Variants in AK5 observed in about 807,000 individuals in gnomAD.
AK5 encodes adenylate kinase isoenzyme 5.
AK5 carries 27 observed loss-of-function variants against 69.5 expected under a neutral mutation model. That is an observed-to-expected ratio of 0.39 (90% CI 0.29 to 0.54). The LOEUF (loss-of-function observed/expected upper bound fraction) is 0.54. Among genes scored for constraint, AK5 ranks in the 20% least tolerant of loss-of-function variants. The pLI, the probability that AK5 is intolerant of heterozygous loss-of-function variation, is 0.71. For missense variants in AK5, 531 were observed against 700.4 expected, an observed-to-expected ratio of 0.76 and a Z score of 2.73; for synonymous variants, 260 against 244.4, an observed-to-expected ratio of 1.06 and a Z score of -0.60.
At chr1:77,361,940 ATATCACCC>A (rs1322743791) in intron 6 of AK5, among the ~76,000 whole-genome samples, 1 of 152,186 alleles carries the variant, frequency 6.6e-6, no homozygotes, top group Non-Finnish European at 1.5e-5. Flanking sequence ...CAGCCAAATC[ATATCACCC>A]TACTCTGCTG....
At chr1:77,516,284 T>C (rs767866232) in intron 10 of AK5, among the ~76,000 whole-genome samples, 5 of 152,096 alleles carry the variant, frequency 3.3e-5, no homozygotes, top group Non-Finnish European at 7.4e-5. Context: ...GGAAGCAGAT[T>C]GTAAGAATGG....
At chr1:77,405,025 A>T (rs1482247782) in intron 6 of AK5, among the ~76,000 whole-genome samples, 1 of 152,206 alleles carries the variant, frequency 6.6e-6, no homozygotes, top group East Asian at 1.9e-4. Flanking sequence ...CTCACTCTAC[A>T]TCCCCAAGTT....
At chr1:77,325,970 A>G (rs180969384) in intron 5 of AK5, among the ~76,000 whole-genome samples, 15 of 152,274 alleles carry the variant, frequency 9.9e-5, no homozygotes, top group Admixed American at 7.8e-4. Flanking sequence ...TATGGATTGG[A>G]GTGGAAAAAT....
At chr1:77,437,846 T>A (rs1160909515) in intron 8 of AK5, among the ~76,000 whole-genome samples, 2 of 152,164 alleles carry the variant, frequency 1.3e-5, no homozygotes, top group African/African-American at 2.4e-5. Flanking sequence ...AAAATTTTTA[T>A]GTCAAAGATA....
At chr1:77,488,565 T>G (rs541949276) in intron 10 of AK5, among the ~76,000 whole-genome samples, 2 of 152,302 alleles carry the variant, frequency 1.3e-5, no homozygotes, top group Admixed American at 6.5e-5. Context: ...AGGAATTTAT[T>G]AAGTATTAAC....
rs762714026 is a variant in AK5, at chr1:77,358,018, T to TGTGTGTGAGAGAGAGAGA, written c.891+17451_891+17452insTGTGTGAGAGAGAGAGAG. ...GTGTGTGTGTGTGTGTGTGTGTGTG[T>TGTGTGTGAGAGAGAGAGA]GAGAGAGAGAGAGAGAGAGAGACAG... On this transcript the variant is annotated intron_variant, in intron 6 of 13. Transcript: ENST00000354567. Among the ~76,000 whole-genome samples the TGTGTGTGAGAGAGAGAGA allele has an allele frequency of 9.6e-4, 123 of 128,262 alleles. 1 individual carries two copies. Among genetic ancestry groups the TGTGTGTGAGAGAGAGAGA allele is most frequent in the African/African-American group, 2.8e-3 (101 of 36,318 alleles). The allele number at this position is 128,262 out of a possible 152,430, so 84.1% of individuals were successfully genotyped here. A position where few individuals can be genotyped will look rare whatever the true frequency, so the allele number is the denominator to read the frequency against.
At chr1:77,360,228 G>A (rs183465358) in intron 6 of AK5, among the ~76,000 whole-genome samples, 141 of 152,306 alleles carry the variant, frequency 9.3e-4, no homozygotes, top group African/African-American at 3.3e-3. Flanking sequence ...GACTGATAGA[G>A]GAAGAAGAGT....
At chr1:77,549,084 C>T (rs1440375638) in intron 13 of AK5, among the ~76,000 whole-genome samples, 1 of 151,874 alleles carries the variant, frequency 6.6e-6, no homozygotes, top group Admixed American at 6.6e-5. Context: ...CCATGTTGGC[C>T]AGGCTGGTCT....
At chr1:77,450,031 C>T (rs1310750078) in intron 8 of AK5, among the ~76,000 whole-genome samples, 1 of 152,162 alleles carries the variant, frequency 6.6e-6, no homozygotes, top group African/African-American at 2.4e-5. Context: ...AGTCATCTCT[C>T]TCAAGTTCAA....
intron 12 of AK5, 124 bp downstream of exon 12, chr1:77,522,067 G>A (rs1049933630): frequency 3.8e-5 from 27 of 704,548 alleles, no homozygotes; most frequent in Non-Finnish European, 6.2e-5. Flanking sequence ...GCAGAAACTT[G>A]ACTCAAACTA....
chr1:77,384,605 A>G (rs191215334), intron 6 of AK5, among the ~76,000 whole-genome samples: 8 of 152,310 alleles, frequency 5.3e-5, no homozygotes, highest in Admixed American at 4.6e-4. Flanking sequence ...GCTGCCTCTG[A>G]AACAGTGCAA....
chr1:77,321,472 CA>C lies in AK5; in HGVS notation c.700-18892del, dbSNP rs749186735. Among the ~76,000 whole-genome samples the C allele has an allele frequency of 4.5e-3, 591 of 130,998 alleles. 3 individuals are homozygous for C. Among genetic ancestry groups the C allele is most frequent in the African/African-American group, 0.01 (365 of 35,564 alleles). The allele number at this position is 130,998 out of a possible 152,430, so 85.9% of individuals were successfully genotyped here. On this transcript the variant is annotated intron_variant, in intron 5 of 13. Transcript: ENST00000354567. ...CAATAGATAGAGCGAGACTCCGTCT[CA>C]AAAAAAAAAAAAGTCTCAGTACATT... is the stretch of plus-strand genomic sequence containing the variant.
intron 13 of AK5, among the ~76,000 whole-genome samples, chr1:77,547,661 C>G (rs11162361): frequency 6.6e-6 from 1 of 151,942 alleles, no homozygotes; most frequent in Non-Finnish European, 1.5e-5. Flanking sequence ...AATTTAGTTG[C>G]TAAGTTTCCA....
At chr1:77,511,563 T>G (rs1379685553) in intron 10 of AK5, among the ~76,000 whole-genome samples, 1 of 152,198 alleles carries the variant, frequency 6.6e-6, no homozygotes, top group Non-Finnish European at 1.5e-5. Flanking sequence ...TTAGCATCCA[T>G]TCATGGACAT....
intron 10 of AK5, among the ~76,000 whole-genome samples, chr1:77,495,004 A>C (rs1384350168): frequency 6.6e-6 from 1 of 151,942 alleles, no homozygotes; most frequent in Non-Finnish European, 1.5e-5. Context: ...GGATGGTCTC[A>C]ATATCCTGAC....
At chr1:77,345,445 G>C (rs1661867821) in intron 6 of AK5, among the ~76,000 whole-genome samples, 1 of 152,308 alleles carries the variant, frequency 6.6e-6, no homozygotes. Flanking sequence ...ATTTAGCAAG[G>C]CTGTATAGAC....
intron 13 of AK5, among the ~76,000 whole-genome samples, chr1:77,548,359 C>G (rs555086851): frequency 3.9e-4 from 60 of 152,276 alleles, no homozygotes; most frequent in African/African-American, 1.3e-3. Context: ...ATAACCCCAA[C>G]TTTTGAAAAC....
chr1:77,417,638 G>A lies in AK5; in HGVS notation c.983-1G>A. 6.3e-7 allele frequency: 1 copy of A among 1,599,784 alleles called. No individual in the cohort carries two copies. The highest frequency in any genetic ancestry group is 8.6e-7 in the Non-Finnish European group (1 of 1,168,262). On this transcript the variant is annotated splice_acceptor_variant, in intron 7 of 13. Transcript: ENST00000354567. LOFTEE classifies it high-confidence loss of function. Reference sequence around the variant, plus strand: ...ACTTATCTTTTCTTTCCTAATCTTAGGTTCAAGTGACCTTGATCCTTCGAT... The same window carrying A: ...ACTTATCTTTTCTTTCCTAATCTTAAGTTCAAGTGACCTTGATCCTTCGAT...
chr1:77,375,285 A>C (rs957426299), intron 6 of AK5, among the ~76,000 whole-genome samples: 2 of 152,214 alleles, frequency 1.3e-5, no homozygotes, highest in African/African-American at 4.8e-5. Flanking sequence ...TTTATCTGGC[A>C]TGCCAAACTT....
Sources: gnomAD v4.1 joint callset for allele counts (sites outside exome capture counted in the v4.1 genomes callset) on GRCh38, gnomAD v4.1.1 for gene constraint, MANE v1.5 for transcripts, NCBI Gene and HGNC (gene_info 2026-07-23, HGNC 2026-07-21) for gene names.